The following INHBA variants were observed in gnomAD, a reference collection of about 807,000 sequenced individuals.
INHBA encodes the protein inhibin subunit beta A.
A neutral mutation model predicts 29.0 loss-of-function variants in INHBA; 1 was observed. The observed-to-expected ratio is 0.03, with a 90% CI of 0.01 to 0.16. The LOEUF (loss-of-function observed/expected upper bound fraction) is 0.16, where lower values mean the gene tolerates loss of function less well. Ranked by LOEUF, INHBA falls within the 10% of genes least tolerant of loss-of-function variation. INHBA has a pLI of 1.00. For synonymous variants in INHBA, 242 were observed against 216.8 expected (o/e 1.12, Z -1.02); for missense variants, 376 against 545.4 (o/e 0.69, Z 3.09).
Position 41,696,088 on chromosome 7 carries a change from G to A in INHBA, c.388+3899C>T, listed in dbSNP as rs145662048. Among the ~76,000 whole-genome samples the A allele has an allele frequency of 2.3e-3, 347 of 152,120 alleles. 1 individual carries two copies. The highest frequency in any genetic ancestry group is 7.4e-3 in the African/African-American group (306 of 41,502). ...CCACACCCTCAGTTCGGAAACAAAC[G>A]CATCCTCAGAAGCCGAACACCATGT... On this transcript the variant is annotated intron_variant, in intron 2 of 2. Transcript: ENST00000242208.
At chr7:41,691,709 C>G (rs1285786188) in intron 2 of INHBA, 2 of 152,340 alleles carry the variant, frequency 1.3e-5, no homozygotes, top group East Asian at 3.8e-4. Context: ...TACCTCACAT[C>G]ACCTCCACCA....
At chr7:41,696,870 A>C (rs1794661590) in intron 2 of INHBA, among the ~76,000 whole-genome samples, 1 of 152,120 alleles carries the variant, frequency 6.6e-6, no homozygotes, top group African/African-American at 2.4e-5. Flanking sequence ...GGGTAGACTT[A>C]TGTGTTGCGC....
intron 2 of INHBA, among the ~76,000 whole-genome samples, chr7:41,697,245 C>A (rs892174731): frequency 4.6e-5 from 7 of 152,212 alleles, no homozygotes; most frequent in Non-Finnish European, 1.0e-4. Context: ...AAAGAACACA[C>A]TAACCTTGGT....
At chr7:41,704,258 C>T (rs528372894), upstream of INHBA, among the ~76,000 whole-genome samples, 29 of 151,750 alleles carry the variant, frequency 1.9e-4, no homozygotes, top group Admixed American at 1.2e-3. Flanking sequence ...GTAAAAGGGT[C>T]TCTCTTGGCT....
chr7:41,701,838 G>A (rs1794803868), intron 1 of INHBA, among the ~76,000 whole-genome samples: 1 of 152,192 alleles, frequency 6.6e-6, no homozygotes, highest in South Asian at 2.1e-4. Flanking sequence ...CCCGACCAGT[G>A]CATTCATAGA....
At chr7:41,690,820 A>C (rs1794484869) in intron 2 of INHBA, among the ~76,000 whole-genome samples, 2 of 152,220 alleles carry the variant, frequency 1.3e-5, no homozygotes, top group Admixed American at 1.3e-4. Flanking sequence ...GTTTTGTTGG[A>C]GCATGGTTAT....
At chr7:41,694,341 A>G (rs1794592852) in intron 2 of INHBA, among the ~76,000 whole-genome samples, 1 of 152,220 alleles carries the variant, frequency 6.6e-6, no homozygotes, top group Non-Finnish European at 1.5e-5. Context: ...AGAGATTGCT[A>G]TACTGCAGTG....
rs955841307 is a variant in INHBA, at chr7:41,689,653, T to A, written c.1278A>T (p.Ser426=). The change falls in exon 3 of 3, where the codon TCA becomes TCT. Residue 426 remains serine, a synonymous_variant. Coordinates refer to ENST00000242208, the MANE Select transcript of INHBA (RefSeq NM_002192.4). ...TTTCCCCCTGGGCTGGGCAACTCTA[T>A]GAGCACCCACACTCCTCCACGATCA... ...QNMIVEECGC[S] is the part of the protein sequence containing the mutation. 6.4e-7 allele frequency: 1 copy of A among 1,566,966 alleles called. No individual in the cohort carries two copies. Among genetic ancestry groups the A allele is most frequent in the East Asian group, 2.3e-5 (1 of 44,442 alleles).
intron 2 of INHBA, among the ~76,000 whole-genome samples, chr7:41,692,826 GTTGT>G (rs1262069568): frequency 6.6e-6 from 1 of 152,284 alleles, no homozygotes; most frequent in African/African-American, 2.4e-5. Context: ...TTTTGTTGTT[GTTGT>G]TTGTTTCTTA....
In INHBA at chr7:41,689,567, C is replaced by A; in HGVS notation, c.*83G>T. The stretch of plus-strand genomic sequence containing the variant: ...TTTTAATTTCTATTTTTCTGGTTAA[C>A]TCAGAAACCTTAAAAATTTCTTCAT... On this transcript the variant is annotated 3_prime_UTR_variant, in exon 3 of 3. Transcript: ENST00000242208. The A allele has an allele frequency of 1.2e-4, 104 of 835,922 alleles. No individual in the cohort carries two copies. The highest frequency in any genetic ancestry group is 4.5e-4 in the Middle Eastern group (1 of 2,234). The allele number at this position is 835,922 out of a possible 1,614,324, so 51.8% of individuals were successfully genotyped here.
chr7:41,688,859 C>G lies in INHBA; in HGVS notation c.*791G>C, dbSNP rs1452976871. 4.5e-6 allele frequency: 1 copy of G among 223,826 alleles called. No individual in the cohort carries two copies. Among genetic ancestry groups the G allele is most frequent in the Non-Finnish European group, 8.9e-6 (1 of 112,338 alleles). The allele number at this position is 223,826 out of a possible 1,614,324, so 13.9% of individuals were successfully genotyped here. On this transcript the variant is annotated 3_prime_UTR_variant, in exon 3 of 3. Coordinates refer to ENST00000242208, the MANE Select transcript of INHBA (RefSeq NM_002192.4). ...ATACAAAAAAGTCTCTCTTTTTGTT[C>G]TCTCTCAGGTAAACAGTTTCAAACC...
At chr7:41,694,325 C>A (rs1026966383) in intron 2 of INHBA, among the ~76,000 whole-genome samples, 4 of 152,198 alleles carry the variant, frequency 2.6e-5, no homozygotes, top group African/African-American at 7.2e-5. Context: ...CTCTATATTA[C>A]CTGAGAGAGA....
intron 2 of INHBA, among the ~76,000 whole-genome samples, chr7:41,697,175 C>T (rs771440661): frequency 5.3e-5 from 8 of 152,168 alleles, no homozygotes; most frequent in Non-Finnish European, 7.3e-5. Context: ...TTCTATCTTT[C>T]CTTGTGAAGA....
intron 2 of INHBA, chr7:41,691,538 G>T: frequency 6.6e-6 from 1 of 152,238 alleles, no homozygotes; most frequent in Non-Finnish European, 1.5e-5. Context: ...GGGGTCTAAG[G>T]CCTTGAGAAT....
chr7:41,700,735 C>T, intron 1 of INHBA: 1 of 182,358 alleles, frequency 5.5e-6, no homozygotes, highest in Admixed American at 7.8e-5. Flanking sequence ...GGGAGGGAGA[C>T]AGAGACAGAG....
chr7:41,702,681 ATAAGT>A (rs1794822595), intron 1 of INHBA, among the ~76,000 whole-genome samples: 1 of 152,226 alleles, frequency 6.6e-6, no homozygotes, highest in Non-Finnish European at 1.5e-5. Flanking sequence ...CAGCATTTAG[ATAAGT>A]GCAACTTATC....
chr7:41,685,814 G>A lies in INHBA; in HGVS notation c.*3836C>T, dbSNP rs1794383422. 1 of 152,104 alleles carries A rather than the reference G, an allele frequency of 6.6e-6. No homozygotes were observed. Among genetic ancestry groups the A allele is most frequent in the African/African-American group, 2.4e-5 (1 of 41,420 alleles). 9.4% of individuals were successfully genotyped at this position (152,104 alleles called of 1,614,324 possible). A position where few individuals can be genotyped will look rare whatever the true frequency, so the allele number is the denominator to read the frequency against. On this transcript the variant is annotated 3_prime_UTR_variant, in exon 3 of 3. Transcript: ENST00000242208. ...CTGACCCATACAACAGCTTCTCAGT[G>A]ATACAGGGTTTAATTTAAACACATA...
intron 1 of INHBA, among the ~76,000 whole-genome samples, chr7:41,702,458 C>T (rs186135860): frequency 5.9e-5 from 9 of 152,108 alleles, no homozygotes; most frequent in South Asian, 2.1e-4. Context: ...ATATTTTTTA[C>T]GGGGATGGTG....
chr7:41,703,638 A>C (rs2128672324), upstream of INHBA, among the ~76,000 whole-genome samples: 1 of 152,220 alleles, frequency 6.6e-6, no homozygotes, highest in African/African-American at 2.4e-5. Flanking sequence ...ACCAACTTAC[A>C]CTATTATTTT....
Sources: allele counts gnomAD v4.1 joint callset (sites outside exome capture counted in the v4.1 genomes callset), GRCh38; gene constraint gnomAD v4.1.1; transcripts MANE v1.5; gene names NCBI Gene and HGNC (gene_info 2026-07-23, HGNC 2026-07-21).